PDE1A: variants seen among roughly 807,000 people sequenced by gnomAD.
The protein encoded by PDE1A is dual specificity calcium/calmodulin-dependent 3',5'-cyclic nucleotide phosphodiesterase 1A.
In PDE1A, 35 loss-of-function variants were observed where a neutral mutation model predicts 61.7. The observed-to-expected ratio is 0.57, with a 90% confidence interval of 0.43 to 0.75. The LOEUF (loss-of-function observed/expected upper bound fraction) is 0.75. Among genes scored for constraint, PDE1A ranks in the 30% least tolerant of loss-of-function variants. PDE1A has a pLI of 0.00. For missense variants in PDE1A, 597 were observed against 630.6 expected, an observed-to-expected ratio of 0.95 and a Z score of 0.57; for synonymous variants, 232 against 213.2, an observed-to-expected ratio of 1.09 and a Z score of -0.77.
At chr2:182,585,492 T>C in the PDE1A span, among the ~76,000 whole-genome samples, 5 of 152,194 alleles carry the variant, frequency 3.3e-5, no homozygotes, top group African/African-American at 4.8e-5. Context: ...AGCACTTTTA[T>C]TTCCTCATTC....
chr2:182,213,265 G>C (rs1293025465), intron 7 of PDE1A, among the ~76,000 whole-genome samples: 2 of 140,630 alleles, frequency 1.4e-5, no homozygotes, highest in African/African-American at 2.6e-5. Flanking sequence ...AAACCCATCT[G>C]TACATCACCA....
chr2:182,446,594 GA>G (rs1685152194), intron 2 of PDE1A, among the ~76,000 whole-genome samples: 1 of 152,096 alleles, frequency 6.6e-6, no homozygotes, highest in Admixed American at 6.6e-5. Flanking sequence ...TATTCAGATT[GA>G]AAATTTGCTT....
chr2:182,280,386 G>C (rs1693722199), intron 1 of PDE1A, among the ~76,000 whole-genome samples: 1 of 151,828 alleles, frequency 6.6e-6, no homozygotes. Context: ...TGGATTCCCT[G>C]TTTCTGGATT....
the PDE1A span, among the ~76,000 whole-genome samples, chr2:182,601,093 A>G: frequency 6.6e-6 from 1 of 152,228 alleles, no homozygotes; most frequent in Non-Finnish European, 1.5e-5. Context: ...GCTCAGGCCC[A>G]GCTTGTTCCA....
chr2:182,293,935 T>A (rs958227814), intron 1 of PDE1A, among the ~76,000 whole-genome samples: 6 of 152,196 alleles, frequency 3.9e-5, no homozygotes, highest in Non-Finnish European at 1.5e-5. Flanking sequence ...TCACCTGCTT[T>A]CAGGGTTCCT....
intron 1 of PDE1A, among the ~76,000 whole-genome samples, chr2:182,309,852 G>T (rs1307841228): frequency 6.6e-6 from 1 of 152,120 alleles, no homozygotes; most frequent in African/African-American, 2.4e-5. Context: ...CTCAAGTATG[G>T]TGGAAAAGTT....
the PDE1A span, among the ~76,000 whole-genome samples, chr2:182,550,001 G>A: frequency 4.6e-5 from 7 of 152,008 alleles, no homozygotes; most frequent in Non-Finnish European, 1.0e-4. Context: ...GTCATTCAAA[G>A]TTATTAGATT....
At chr2:182,565,421 C>A in the PDE1A span, among the ~76,000 whole-genome samples, 1 of 152,102 alleles carries the variant, frequency 6.6e-6, no homozygotes, top group African/African-American at 2.4e-5. Context: ...GAAGTTTTGT[C>A]TCAGAGGAGT....
At chr2:182,430,873 C>G (rs1423527723), upstream of PDE1A, among the ~76,000 whole-genome samples, 2 of 116,920 alleles carry the variant, frequency 1.7e-5, no homozygotes, top group Admixed American at 9.4e-5. Context: ...AACCAAACAC[C>G]GCATATTCTC....
downstream of PDE1A, among the ~76,000 whole-genome samples, chr2:182,163,317 C>G (rs1691486872): frequency 6.6e-6 from 1 of 152,180 alleles, no homozygotes; most frequent in African/African-American, 2.4e-5. Context: ...GATTCACTGG[C>G]AAGGCCAGCA....
At chr2:182,426,837 T>C (rs1703653802) in exon 1 of PDE1A, 9 of 1,388,048 alleles carry the variant, frequency 6.5e-6, no homozygotes, top group Middle Eastern at 2.6e-4. Flanking sequence ...GACAGGCACG[T>C]TGGGGCACTC....
intron 1 of PDE1A, among the ~76,000 whole-genome samples, chr2:182,353,579 A>C (rs184700130): frequency 1.9e-3 from 287 of 152,290 alleles, no homozygotes; most frequent in Non-Finnish European, 2.6e-3. Flanking sequence ...TTATAGTTCT[A>C]AATTCATGTC....
chr2:182,592,406 T>C, the PDE1A span, among the ~76,000 whole-genome samples: 1 of 152,198 alleles, frequency 6.6e-6, no homozygotes, highest in Non-Finnish European at 1.5e-5. Flanking sequence ...TATATAAATA[T>C]TTGAGTATTA....
intron 1 of PDE1A, among the ~76,000 whole-genome samples, chr2:182,401,613 A>G (rs1702001997): frequency 1.3e-5 from 2 of 152,238 alleles, no homozygotes; most frequent in South Asian, 2.1e-4. Flanking sequence ...AACCGGCACA[A>G]GACAAGCAAG....
At chr2:182,324,350 C>T (rs1696908070) in intron 1 of PDE1A, among the ~76,000 whole-genome samples, 1 of 151,468 alleles carries the variant, frequency 6.6e-6, no homozygotes, top group African/African-American at 2.4e-5. Flanking sequence ...ACAAGATAAT[C>T]GATGTATACA....
upstream of PDE1A, among the ~76,000 whole-genome samples, chr2:182,525,015 C>A (rs1433345338): frequency 6.6e-6 from 1 of 151,782 alleles, no homozygotes; most frequent in Non-Finnish European, 1.5e-5. Flanking sequence ...TCTAGACTAC[C>A]TGGGTTTGAA....
chr2:182,712,745 A>G, the PDE1A span, among the ~76,000 whole-genome samples: 1,203 of 151,768 alleles, frequency 7.9e-3, 16 homozygotes, highest in African/African-American at 0.027. Context: ...TTTTGTAGAG[A>G]TGGGGTTTCA....
chr2:182,316,803 T>C (rs1314900618), intron 1 of PDE1A, among the ~76,000 whole-genome samples: 10 of 152,210 alleles, frequency 6.6e-5, no homozygotes, highest in Admixed American at 6.5e-4. Context: ...TACTAATTTT[T>C]GAAAATTGAA....
At chr2:182,493,213 AGAG>A (rs1269870783) in intron 2 of PDE1A, among the ~76,000 whole-genome samples, 3 of 142,210 alleles carry the variant, frequency 2.1e-5, no homozygotes, top group Non-Finnish European at 3.0e-5. Flanking sequence ...TTAATCGGCA[AGAG>A]GACTTTCTCG....
Sources: allele counts gnomAD v4.1 joint callset (sites outside exome capture counted in the v4.1 genomes callset), GRCh38; gene constraint gnomAD v4.1.1; transcripts MANE v1.5; gene names NCBI Gene and HGNC (gene_info 2026-07-23, HGNC 2026-07-21).